Variants in AK9 observed in about 807,000 individuals in gnomAD.
The protein encoded by AK9 is adenylate kinase 9.
Under a neutral mutation model 239.6 loss-of-function variants are expected in AK9, and 191 were observed. The ratio of observed to expected loss-of-function variants is 0.80; its 90% confidence interval spans 0.71 to 0.90. The LOEUF is 0.90. Ranked by LOEUF, AK9 falls within the 40% of genes least tolerant of loss-of-function variation. The pLI, the probability that AK9 is intolerant of heterozygous loss-of-function variation, is 0.00. For synonymous variants in AK9, 689 were observed against 721.0 expected, an observed-to-expected ratio of 0.96 and a Z score of 0.71; for missense variants, 1,995 against 2,214.7, an observed-to-expected ratio of 0.90 and a Z score of 1.99.
intron 13 of AK9, 122 bp downstream of exon 13, chr6:109,618,968 TAA>T: frequency 9.3e-7 from 1 of 1,069,988 alleles, no homozygotes; most frequent in Non-Finnish European, 1.3e-6. Flanking sequence ...AACCATTTGT[TAA>T]GAGTCTATAA....
chr6:109,587,033 CTT>C (rs1374643261), intron 17 of AK9, among the ~76,000 whole-genome samples: 6 of 152,012 alleles, frequency 3.9e-5, no homozygotes, highest in African/African-American at 1.4e-4. Context: ...GTTTAGAACT[CTT>C]GGGCTGAGGC....
At chr6:109,658,652 A>G (rs79690712) in intron 7 of AK9, among the ~76,000 whole-genome samples, 1 of 152,194 alleles carries the variant, frequency 6.6e-6, no homozygotes, top group African/African-American at 2.4e-5. Flanking sequence ...AAGTTGAAAT[A>G]AAATTTTTTG....
intron 28 of AK9, among the ~76,000 whole-genome samples, chr6:109,532,981 C>T (rs998181986): frequency 2.0e-5 from 3 of 152,148 alleles, no homozygotes; most frequent in Non-Finnish European, 2.9e-5. Flanking sequence ...TTACCTCTTC[C>T]ACTTTGCTCC....
rs1242997212 is a variant in AK9, at chr6:109,656,775, G to T, written c.740C>A (p.Thr247Lys). 3.8e-6 allele frequency: 6 copies of T among 1,595,686 alleles called. No individual in the cohort carries two copies. The highest frequency in any genetic ancestry group is 5.1e-6 in the Non-Finnish European group (6 of 1,166,428). ...VENIVKLYKE[T>K]ILQTLEEVMA... ...TCTTACTTCTAAAGTTTGGAGAATT[G>T]TTTCCTTATAAAGCTTAACAATGTT... Residue 247 changes from threonine (T) to lysine (K), a missense_variant, in exon 8 of 41, where the codon ACA (threonine) becomes AAA (lysine). By Grantham distance (78) the Thr-to-Lys change is moderately conservative (BLOSUM62 -1). Coordinates refer to ENST00000424296, the MANE Select transcript of AK9 (RefSeq NM_001145128.3).
At chr6:109,573,030 T>C (rs1787622708) in intron 21 of AK9, among the ~76,000 whole-genome samples, 2 of 152,210 alleles carry the variant, frequency 1.3e-5, no homozygotes, top group African/African-American at 4.8e-5. Context: ...AGATGAACTG[T>C]AAAATTCATG....
intron 8 of AK9, among the ~76,000 whole-genome samples, chr6:109,652,273 C>A (rs1213048642): frequency 6.6e-6 from 1 of 152,154 alleles, no homozygotes. Context: ...TAAATGTAAT[C>A]CATCATATAA....
At chr6:109,580,526 G>A (rs1788696157) in intron 19 of AK9, among the ~76,000 whole-genome samples, 1 of 152,158 alleles carries the variant, frequency 6.6e-6, no homozygotes, top group East Asian at 1.9e-4. Context: ...GGTTAAGGAA[G>A]AGCCCATTCA....
chr6:109,623,903 AC>A lies in AK9; in HGVS notation c.1255-4668del, dbSNP rs748045237. 5.5e-3 allele frequency among the ~76,000 whole-genome samples: 707 copies of A among 127,466 alleles called. 8 individuals are homozygous for A. Among genetic ancestry groups the A allele is most frequent in the African/African-American group, 0.01 (278 of 27,440 alleles). 83.6% of individuals were successfully genotyped at this position (127,466 alleles called of 152,430 possible). Reference sequence around the variant, plus strand: ...CACACACACACACACACACACACACACATTTCTTCTCCCACATCCCTCCGTA... The same window carrying A: ...CACACACACACACACACACACACACAATTTCTTCTCCCACATCCCTCCGTA... On this transcript the variant is annotated intron_variant, in intron 12 of 40. Transcript: ENST00000424296.
chr6:109,611,413 T>C (rs889342938), intron 16 of AK9, among the ~76,000 whole-genome samples: 2 of 152,222 alleles, frequency 1.3e-5, no homozygotes, highest in Non-Finnish European at 2.9e-5. Context: ...AAGCCGCTAA[T>C]TGTCCACCCA....
chr6:109,620,670 T>C (rs1794699730), intron 12 of AK9, among the ~76,000 whole-genome samples: 1 of 152,038 alleles, frequency 6.6e-6, no homozygotes, highest in Non-Finnish European at 1.5e-5. Context: ...TTCATCCACA[T>C]CTTCAGTTTT....
intron 32 of AK9, among the ~76,000 whole-genome samples, chr6:109,513,119 C>T (rs1255089100): frequency 6.6e-6 from 1 of 152,176 alleles, no homozygotes; most frequent in Non-Finnish European, 1.5e-5. Flanking sequence ...CCCACCTTGG[C>T]CTCCCAAAGT....
rs74827405 is a variant in AK9, at chr6:109,516,301, G to A, written c.3846+129C>T. 2,336 of 922,126 alleles carry A rather than the reference G, an allele frequency of 2.5e-3. 38 individuals are homozygous for A. The African/African-American group carries it at 0.033, about 13-fold the overall frequency. 57.1% of individuals were successfully genotyped at this position (922,126 alleles called of 1,614,324 possible). A position where few individuals can be genotyped will look rare whatever the true frequency, so the allele number is the denominator to read the frequency against. ...TATTGCATAATTGTTAAATGATACCGATAAAAGGAAATACAGCCCTAAAAT... is the reference window on the plus strand; with the variant it reads ...TATTGCATAATTGTTAAATGATACCAATAAAAGGAAATACAGCCCTAAAAT... On this transcript the variant is annotated intron_variant, in intron 30 of 40. Coordinates refer to ENST00000424296, the MANE Select transcript of AK9 (RefSeq NM_001145128.3).
intron 10 of AK9, among the ~76,000 whole-genome samples, chr6:109,634,755 G>C (rs1176450315): frequency 1.3e-5 from 2 of 152,178 alleles, no homozygotes; most frequent in Non-Finnish European, 2.9e-5. Context: ...TTCTCCACAG[G>C]GTTCCTGGAC....
In AK9 at chr6:109,674,327, A is replaced by G. The variant is rs143647564; in HGVS notation, c.118-66T>C. On this transcript the variant is annotated intron_variant, in intron 2 of 40. Transcript: ENST00000424296. Reference sequence around the variant, plus strand: ...TACTTGCCAGTGACACAGATACAGCAATTTTTAAAGATTCTATTGCTAGTT... The same window carrying G: ...TACTTGCCAGTGACACAGATACAGCGATTTTTAAAGATTCTATTGCTAGTT... 24 of 1,161,424 alleles carry G rather than the reference A, an allele frequency of 2.1e-5. No individual in the cohort carries two copies. In the African/African-American group the frequency reaches 3.6e-4, roughly 17 times the overall value. 71.9% of individuals were successfully genotyped at this position (1,161,424 alleles called of 1,614,324 possible).
At chr6:109,675,525 C>CA (rs1284522331) in intron 2 of AK9, 104 bp downstream of exon 2, 81 of 725,716 alleles carry the variant, frequency 1.1e-4, no homozygotes, top group Non-Finnish European at 1.1e-4. Context: ...ATCAGACACT[C>CA]AAAAAATGAG....
At chr6:109,660,985 A>C (rs371353313) in intron 6 of AK9, 1 of 504,342 alleles carries the variant, frequency 2.0e-6, no homozygotes, top group African/African-American at 1.9e-5. Context: ...TTTTTGCATC[A>C]GAAAAATTCA....
chr6:109,553,495 C>G (rs1784602172), intron 24 of AK9, among the ~76,000 whole-genome samples: 1 of 152,086 alleles, frequency 6.6e-6, no homozygotes. Context: ...TGATTTGGCT[C>G]TCTGCTTGCC....
intron 29 of AK9, among the ~76,000 whole-genome samples, chr6:109,520,012 G>T (rs575012426): frequency 9.9e-5 from 15 of 152,266 alleles, no homozygotes; most frequent in African/African-American, 3.6e-4. Context: ...ACCTTTGTCA[G>T]ATGCATAGTT....
At chr6:109,594,995 C>G (rs757455928) in intron 17 of AK9, among the ~76,000 whole-genome samples, 18 of 152,064 alleles carry the variant, frequency 1.2e-4, no homozygotes, top group Admixed American at 3.3e-4. Context: ...CAACAAAAGC[C>G]AAAATTGACA....
Sources: allele counts gnomAD v4.1 joint callset (sites outside exome capture counted in the v4.1 genomes callset), GRCh38; gene constraint gnomAD v4.1.1; transcripts MANE v1.5; gene names NCBI Gene and HGNC (gene_info 2026-07-23, HGNC 2026-07-21).